VTI1A: variants seen among roughly 807,000 people sequenced by gnomAD.
VTI1A encodes vesicle transport through interaction with t-SNAREs 1A.
VTI1A carries 22 observed loss-of-function variants against 34.9 expected under a neutral mutation model. The ratio of observed to expected loss-of-function variants is 0.63; its 90% CI spans 0.45 to 0.90. The LOEUF is 0.90. Among genes scored for constraint, VTI1A ranks in the 40% least tolerant of loss-of-function variants. The probability of loss-of-function intolerance (pLI) is 0.00; values close to 1 mark genes in which losing one functional copy is unlikely to be tolerated. For missense variants in VTI1A, 268 were observed against 275.6 expected, an observed-to-expected ratio of 0.97 and a Z score of 0.20; for synonymous variants, 87 against 97.3, an observed-to-expected ratio of 0.89 and a Z score of 0.62.
At chr10:112,501,582 A>G (rs1480589963) in intron 3 of VTI1A, among the ~76,000 whole-genome samples, 4 of 152,318 alleles carry the variant, frequency 2.6e-5, no homozygotes, top group East Asian at 3.9e-4. Flanking sequence ...ATTAATAGTC[A>G]TACTTTAAAA....
intron 7 of VTI1A, among the ~76,000 whole-genome samples, chr10:112,792,016 C>CT (rs1302789084): frequency 6.6e-6 from 1 of 152,154 alleles, no homozygotes; most frequent in African/African-American, 2.4e-5. Flanking sequence ...TGGCTCACGC[C>CT]TGTAATCCCA....
At chr10:112,565,493 G>A (rs781661885) in intron 5 of VTI1A, among the ~76,000 whole-genome samples, 41 of 151,930 alleles carry the variant, frequency 2.7e-4, no homozygotes, top group Non-Finnish European at 4.6e-4. Flanking sequence ...TTTGCAAATA[G>A]CAGGGAAAGT....
chr10:112,455,900 T>C (rs952043842), intron 1 of VTI1A, among the ~76,000 whole-genome samples: 1 of 152,112 alleles, frequency 6.6e-6, no homozygotes, highest in Non-Finnish European at 1.5e-5. Context: ...GGGAAATTTG[T>C]CATTTCAAAT....
intron 7 of VTI1A, among the ~76,000 whole-genome samples, chr10:112,699,066 C>T (rs1848898818): frequency 6.6e-6 from 1 of 152,208 alleles, no homozygotes; most frequent in South Asian, 2.1e-4. Flanking sequence ...TGTATTTTCC[C>T]AAACTGCCAA....
chr10:112,555,126 A>G (rs1031292435), intron 5 of VTI1A, among the ~76,000 whole-genome samples: 1 of 152,086 alleles, frequency 6.6e-6, no homozygotes, highest in Non-Finnish European at 1.5e-5. Context: ...CCTATTCTGA[A>G]TTTTCTAACA....
chr10:112,642,820 A>G (rs939996908), intron 5 of VTI1A, among the ~76,000 whole-genome samples: 2 of 152,122 alleles, frequency 1.3e-5, no homozygotes. Flanking sequence ...CTGTGCCATA[A>G]TAGTGGTACA....
Position 112,531,214 on chromosome 10 carries a change from C to T in VTI1A, c.342+4050C>T, listed in dbSNP as rs146467859. Among the ~76,000 whole-genome samples the T allele has an allele frequency of 8.7e-3, 1,323 of 152,166 alleles. 13 individuals are homozygous for T. The highest frequency in any genetic ancestry group is 0.014 in the Non-Finnish European group (948 of 68,008). On this transcript the variant is annotated intron_variant, in intron 4 of 7. Coordinates refer to ENST00000393077, the MANE Select transcript of VTI1A (RefSeq NM_145206.4). Reference sequence around the variant, plus strand: ...AAGAGATTCCACTGGTTCAAACCAGCGTAAACCAGATTTTTTCAGCCCACA... The same window carrying T: ...AAGAGATTCCACTGGTTCAAACCAGTGTAAACCAGATTTTTTCAGCCCACA...
At chr10:112,741,903 C>T (rs1030405910) in intron 7 of VTI1A, among the ~76,000 whole-genome samples, 2 of 152,054 alleles carry the variant, frequency 1.3e-5, no homozygotes, top group African/African-American at 4.8e-5. Context: ...CCATCAAATA[C>T]CTAGATTTAC....
intron 4 of VTI1A, among the ~76,000 whole-genome samples, chr10:112,533,845 G>C (rs1406992487): frequency 6.6e-6 from 1 of 152,006 alleles, no homozygotes; most frequent in Non-Finnish European, 1.5e-5. Context: ...AACTCTACCT[G>C]AGTGTAGTTT....
chr10:112,532,581 A>G (rs1047379115), intron 4 of VTI1A, among the ~76,000 whole-genome samples: 6 of 152,294 alleles, frequency 3.9e-5, no homozygotes, highest in African/African-American at 1.4e-4. Context: ...TATATATTTT[A>G]GTTCCTAAAG....
chr10:112,710,300 T>C (rs561761594), intron 7 of VTI1A, among the ~76,000 whole-genome samples: 1 of 151,458 alleles, frequency 6.6e-6, no homozygotes, highest in African/African-American at 2.4e-5. Flanking sequence ...CTCTGCCTCC[T>C]GGGTTCAAAT....
At chr10:112,657,062 T>C (rs1007613564) in intron 5 of VTI1A, among the ~76,000 whole-genome samples, 1 of 151,768 alleles carries the variant, frequency 6.6e-6, no homozygotes, top group Admixed American at 6.6e-5. Flanking sequence ...GAAAGCTCCC[T>C]GAGGCCTCCC....
At chr10:112,574,857 T>C (rs536180644) in intron 5 of VTI1A, among the ~76,000 whole-genome samples, 4 of 152,366 alleles carry the variant, frequency 2.6e-5, no homozygotes, top group East Asian at 3.9e-4. Context: ...TGAATTTGAC[T>C]TGGCTGGTAC....
intron 5 of VTI1A, among the ~76,000 whole-genome samples, chr10:112,593,353 G>A (rs1271346340): frequency 2.0e-5 from 3 of 152,118 alleles, no homozygotes; most frequent in East Asian, 1.9e-4. Flanking sequence ...TTCTGAGTTC[G>A]TGGTGAAAAG....
At chr10:112,617,239 A>G (rs1188820648) in intron 5 of VTI1A, among the ~76,000 whole-genome samples, 3 of 152,196 alleles carry the variant, frequency 2.0e-5, no homozygotes, top group Admixed American at 6.5e-5. Flanking sequence ...TAGTATTCCA[A>G]GTTTTAAGGG....
rs758269063 is a variant in VTI1A at position 112,447,330 on chromosome 10, C to T, written c.-44C>T. On this transcript the variant is annotated 5_prime_UTR_variant, in exon 1 of 8. Coordinates refer to ENST00000393077, the MANE Select transcript of VTI1A (RefSeq NM_145206.4). ...CCCTCGCTGCCCCTCGAGGCCCTTT[C>T]CCTGACCTAGGCTTTGGCCTGGGCT... is the stretch of plus-strand genomic sequence containing the variant. The T allele has an allele frequency of 1.0e-5, 16 of 1,595,790 alleles. No individual in the cohort carries two copies. The East Asian group carries it at 2.7e-4, about 27-fold the overall frequency.
At position 112,538,807 on chromosome 10, in the gene VTI1A, T is replaced by TA. The variant is rs35122946; in HGVS notation, c.427+488dup. Among the ~76,000 whole-genome samples, 15 of 148,062 alleles carry TA rather than the reference T, an allele frequency of 1.0e-4. No homozygotes were observed. In the South Asian group the frequency reaches 1.3e-3, roughly 13 times the overall value. On this transcript the variant is annotated intron_variant, in intron 5 of 7. Transcript: ENST00000393077. ...GGAAATGATTCCTAATAATCCTGTTTAAAAAAAAAAATCATGAATAGAGCC... is the reference window on the plus strand; with the variant it reads ...GGAAATGATTCCTAATAATCCTGTTTAAAAAAAAAAAATCATGAATAGAGCC...
intron 3 of VTI1A, among the ~76,000 whole-genome samples, chr10:112,505,120 C>T (rs558812292): frequency 9.2e-5 from 14 of 151,476 alleles, no homozygotes; most frequent in African/African-American, 3.2e-4. Context: ...TATATGTTGC[C>T]GAACATTTTT....
At chr10:112,845,502 A>C in the VTI1A span, among the ~76,000 whole-genome samples, 1 of 152,288 alleles carries the variant, frequency 6.6e-6, no homozygotes, top group Non-Finnish European at 1.5e-5. Flanking sequence ...AAATGCTTTC[A>C]GAACTAACTT....
Sources: allele counts gnomAD v4.1 joint callset (sites outside exome capture counted in the v4.1 genomes callset), GRCh38; gene constraint gnomAD v4.1.1; transcripts MANE v1.5; gene names NCBI Gene and HGNC (gene_info 2026-07-23, HGNC 2026-07-21).